RARB: variants seen among roughly 807,000 people sequenced by gnomAD.
RARB encodes retinoic acid receptor beta, also known as HBV-activated protein.
RARB carries 17 observed loss-of-function variants against 51.9 expected under a neutral mutation model. The ratio of observed to expected loss-of-function variants is 0.33; its 90% CI spans 0.22 to 0.49. The LOEUF (loss-of-function observed/expected upper bound fraction) is 0.49. Among genes scored for constraint, RARB ranks in the 20% least tolerant of loss-of-function variants. RARB has a pLI of 0.99. For missense variants in RARB, 369 were observed against 550.8 expected (o/e 0.67, Z 3.30); for synonymous variants, 215 against 195.4 (o/e 1.10, Z -0.84).
chr3:25,210,529 C>CTTTTTTTTTTTTTTT (rs773846113), intron 5 of RARB, among the ~76,000 whole-genome samples: 4 of 27,634 alleles, frequency 1.4e-4, no homozygotes, highest in African/African-American at 1.8e-4. Context: ...TTATCTGATT[C>CTTTTTTTTTTTTTTT]TTTTTTTTTT....
At chr3:25,214,632 T>A (rs1016960184) in intron 5 of RARB, among the ~76,000 whole-genome samples, 1 of 152,206 alleles carries the variant, frequency 6.6e-6, no homozygotes, top group Non-Finnish European at 1.5e-5. Flanking sequence ...GAAATGCCCC[T>A]GAAGGGACTT....
intron 2 of RARB, among the ~76,000 whole-genome samples, chr3:25,004,572 C>T (rs1473214013): frequency 2.6e-5 from 4 of 152,072 alleles, no homozygotes; most frequent in South Asian, 2.1e-4. Flanking sequence ...ATGGCCTAAT[C>T]ACCTCTTAAT....
At chr3:25,360,154 T>A (rs2125463087) in intron 5 of RARB, among the ~76,000 whole-genome samples, 1 of 152,328 alleles carries the variant, frequency 6.6e-6, no homozygotes, top group African/African-American at 2.4e-5. Context: ...TGAATCTGGG[T>A]GCTCCTGTAT....
At chr3:25,407,876 A>C (rs1000938845) in intron 5 of RARB, among the ~76,000 whole-genome samples, 6 of 152,158 alleles carry the variant, frequency 3.9e-5, no homozygotes, top group African/African-American at 1.4e-4. Flanking sequence ...ATAAATCCTC[A>C]AGCTCTCTTG....
chr3:25,447,911 G>A (rs768411104), intron 1 of RARB, among the ~76,000 whole-genome samples: 37 of 152,040 alleles, frequency 2.4e-4, no homozygotes, highest in Admixed American at 5.2e-4. Flanking sequence ...AAGGGAAGGT[G>A]AATAGCATTG....
At chr3:25,114,863 G>A (rs1402756626) in intron 3 of RARB, among the ~76,000 whole-genome samples, 1 of 152,124 alleles carries the variant, frequency 6.6e-6, no homozygotes, top group African/African-American at 2.4e-5. Flanking sequence ...TTATGTCATA[G>A]AGGATGATAT....
chr3:25,153,004 C>G (rs971691003), intron 4 of RARB, among the ~76,000 whole-genome samples: 3 of 152,148 alleles, frequency 2.0e-5, no homozygotes, highest in South Asian at 2.1e-4. Context: ...AAAAAAGGAA[C>G]AAACTTCTTC....
chr3:25,421,375 A>G (rs1024370499), intron 5 of RARB, among the ~76,000 whole-genome samples: 1 of 147,420 alleles, frequency 6.8e-6, no homozygotes, highest in African/African-American at 2.5e-5. Flanking sequence ...GTCCTTGCAG[A>G]CATTGCACTA....
intron 5 of RARB, among the ~76,000 whole-genome samples, chr3:25,227,912 G>A (rs563029510): frequency 4.6e-5 from 7 of 152,158 alleles, no homozygotes; most frequent in South Asian, 2.1e-4. Flanking sequence ...GACTGAACCC[G>A]TGTCTGGGTA....
chr3:24,973,537 G>A (rs1031319474), intron 2 of RARB, among the ~76,000 whole-genome samples: 2 of 151,930 alleles, frequency 1.3e-5, no homozygotes, highest in South Asian at 2.1e-4. Flanking sequence ...GCATTGAATT[G>A]TAGACTGCTT....
chr3:25,458,028 A>C (rs1695001535), intron 1 of RARB, among the ~76,000 whole-genome samples: 1 of 151,802 alleles, frequency 6.6e-6, no homozygotes, highest in South Asian at 2.1e-4. Flanking sequence ...GGAAGGGGTC[A>C]CTTACGTTGA....
intron 3 of RARB, among the ~76,000 whole-genome samples, chr3:25,081,380 A>G (rs1262852607): frequency 1.3e-5 from 2 of 151,182 alleles, no homozygotes; most frequent in Admixed American, 6.6e-5. Context: ...TGAGAAAAAT[A>G]CATATTTTGT....
intron 2 of RARB, among the ~76,000 whole-genome samples, chr3:24,885,803 C>T (rs1208517011): frequency 6.6e-6 from 1 of 152,090 alleles, no homozygotes; most frequent in African/African-American, 2.4e-5. Flanking sequence ...TTTGGGAAAC[C>T]AGATGATGTT....
intron 4 of RARB, among the ~76,000 whole-genome samples, chr3:25,137,051 A>G (rs1700040742): frequency 6.6e-6 from 1 of 152,066 alleles, no homozygotes; most frequent in African/African-American, 2.4e-5. Context: ...TTGTGTAATC[A>G]CTGAGGTACT....
chr3:24,968,894 T>A (rs1476018422), intron 2 of RARB, among the ~76,000 whole-genome samples: 2 of 152,146 alleles, frequency 1.3e-5, no homozygotes, highest in Non-Finnish European at 2.9e-5. Context: ...CCACAAGGGT[T>A]CTTTCAGATT....
intron 2 of RARB, among the ~76,000 whole-genome samples, chr3:24,883,043 G>A (rs940180355): frequency 5.3e-5 from 8 of 152,068 alleles, no homozygotes; most frequent in South Asian, 2.1e-4. Context: ...CATGTCAAAC[G>A]GAGAGTCAGT....
At chr3:25,285,601 T>A (rs1703631187) in intron 5 of RARB, among the ~76,000 whole-genome samples, 1 of 152,112 alleles carries the variant, frequency 6.6e-6, no homozygotes, top group Non-Finnish European at 1.5e-5. Flanking sequence ...GGAGGGTGCC[T>A]TATACTACTA....
intron 4 of RARB, among the ~76,000 whole-genome samples, chr3:25,148,217 G>A (rs1700225251): frequency 6.6e-6 from 1 of 151,944 alleles, no homozygotes; most frequent in East Asian, 1.9e-4. Context: ...TTCTGAATGA[G>A]CCAATCAGGG....
At chr3:25,578,710 A>G (rs1701048003) in intron 4 of RARB, among the ~76,000 whole-genome samples, 1 of 152,246 alleles carries the variant, frequency 6.6e-6, no homozygotes, top group African/African-American at 2.4e-5. Flanking sequence ...TACTCTCCAC[A>G]AGGAACGTCG....
Sources: allele counts gnomAD v4.1 joint callset (sites outside exome capture counted in the v4.1 genomes callset), GRCh38; gene constraint gnomAD v4.1.1; transcripts MANE v1.5; gene names NCBI Gene and HGNC (gene_info 2026-07-23, HGNC 2026-07-21).